L2HGDH: variants seen among roughly 807,000 people sequenced by gnomAD.
L2HGDH encodes the protein L-2-hydroxyglutarate dehydrogenase, mitochondrial.
A neutral mutation model predicts 51.5 loss-of-function variants in L2HGDH; 34 were observed. That is an observed-to-expected ratio of 0.66 (90% CI 0.50 to 0.88). L2HGDH has a LOEUF of 0.88. L2HGDH is among the 40% of genes least tolerant of loss of function. L2HGDH has a pLI of 0.00. For missense variants in L2HGDH, 558 were observed against 571.9 expected, an observed-to-expected ratio of 0.98 and a Z score of 0.25; for synonymous variants, 198 against 197.9, an observed-to-expected ratio of 1.00 and a Z score of -0.01.
intron 9 of L2HGDH, among the ~76,000 whole-genome samples, chr14:50,247,539 T>C (rs1888077759): frequency 6.6e-6 from 1 of 152,172 alleles, no homozygotes; most frequent in Non-Finnish European, 1.5e-5. Flanking sequence ...TTTCCAAAGG[T>C]AGTAGGTAAA....
chr14:50,267,294 T>C (rs1311248609), intron 8 of L2HGDH, among the ~76,000 whole-genome samples: 1 of 152,024 alleles, frequency 6.6e-6, no homozygotes, highest in African/African-American at 2.4e-5. Flanking sequence ...GCCATTCTCC[T>C]GCCTCAGCCT....
chr14:50,302,774 G>A (rs1302557491), intron 2 of L2HGDH, 128 bp downstream of exon 2: 2 of 745,794 alleles, frequency 2.7e-6, no homozygotes, highest in Admixed American at 3.8e-5. Context: ...CCATGTCCTT[G>A]TCCCACACTC....
chr14:50,274,482 A>G (rs1277493558), intron 6 of L2HGDH, among the ~76,000 whole-genome samples: 1 of 152,202 alleles, frequency 6.6e-6, no homozygotes, highest in Non-Finnish European at 1.5e-5. Flanking sequence ...ATTGGTGAGG[A>G]TGTAGAATGC....
intron 6 of L2HGDH, among the ~76,000 whole-genome samples, chr14:50,270,234 A>T (rs1337667814): frequency 1.3e-5 from 2 of 152,164 alleles, no homozygotes; most frequent in Admixed American, 6.5e-5. Flanking sequence ...GATTTCCTAT[A>T]AATTTTATTT....
intron 5 of L2HGDH, among the ~76,000 whole-genome samples, chr14:50,283,542 G>C (rs1316528167): frequency 6.6e-6 from 1 of 151,968 alleles, no homozygotes; most frequent in African/African-American, 2.4e-5. Flanking sequence ...AGTATCCAAG[G>C]AGGATTGGTT....
At chr14:50,287,300 C>T in intron 4 of L2HGDH, 1 of 984,740 alleles carries the variant, frequency 1.0e-6, no homozygotes, top group Non-Finnish European at 1.2e-6. Flanking sequence ...TCATGGGTTC[C>T]TGTTCCGATT....
intron 4 of L2HGDH, among the ~76,000 whole-genome samples, chr14:50,291,842 A>T (rs1890901279): frequency 6.6e-6 from 1 of 152,228 alleles, no homozygotes; most frequent in African/African-American, 2.4e-5. Context: ...TGGATCAACC[A>T]AGTATATGAA....
chr14:50,267,699 C>A, intron 8 of L2HGDH, 54 bp downstream of exon 8: 5 of 1,388,784 alleles, frequency 3.6e-6, no homozygotes, highest in Non-Finnish European at 5.1e-6. Context: ...GACAAAACTT[C>A]CCACATTGAA....
chr14:50,256,459 C>G (rs965958493), intron 9 of L2HGDH, among the ~76,000 whole-genome samples: 7 of 150,394 alleles, frequency 4.7e-5, no homozygotes, highest in African/African-American at 1.7e-4. Flanking sequence ...CTGCAGTGAG[C>G]TATGATCACA....
chr14:50,285,315 G>GTTT (rs1890508930), intron 4 of L2HGDH, among the ~76,000 whole-genome samples: 2 of 152,182 alleles, frequency 1.3e-5, no homozygotes, highest in African/African-American at 2.4e-5. Context: ...CACACTGAGG[G>GTTT]TAAAGACTCC....
At position 50,269,053 on chromosome 14, in the gene L2HGDH, C is replaced by T. The variant is rs575665529; in HGVS notation, c.906+110G>A. The stretch of plus-strand genomic sequence containing the variant: ...GAAACCGATGAAATGCTTACAAAAA[C>T]GGTCCTTCAAAATTTCTCTTATTTC... On this transcript the variant is annotated intron_variant, in intron 7 of 9. Coordinates refer to ENST00000267436, the MANE Select transcript of L2HGDH (RefSeq NM_024884.3). The T allele has an allele frequency of 7.8e-5, 61 of 785,996 alleles. 1 individual carries two copies. The highest frequency in any genetic ancestry group is 2.9e-4 in the East Asian group (10 of 34,140). 48.7% of individuals were successfully genotyped at this position (785,996 alleles called of 1,614,324 possible).
At chr14:50,249,545 C>A (rs888505313) in intron 9 of L2HGDH, among the ~76,000 whole-genome samples, 8 of 152,048 alleles carry the variant, frequency 5.3e-5, no homozygotes, top group South Asian at 4.1e-4. Flanking sequence ...TCTAGACCCA[C>A]CCCGGGCCAA....
intron 4 of L2HGDH, among the ~76,000 whole-genome samples, chr14:50,291,411 T>C (rs1321775304): frequency 1.3e-5 from 2 of 152,048 alleles, no homozygotes. Context: ...ACTAATTCAC[T>C]ATCTCAGAGA....
rs1250742199 is a variant in L2HGDH, at chr14:50,252,779, G to C, written c.1197-5526C>G. On this transcript the variant is annotated intron_variant, in intron 9 of 9. Coordinates refer to ENST00000267436, the MANE Select transcript of L2HGDH (RefSeq NM_024884.3). ...TATGCACCCAACACTGGAGTACCCAGCTATACAAAGCAAATATTATTAGAG... is the reference window on the plus strand; with the variant it reads ...TATGCACCCAACACTGGAGTACCCACCTATACAAAGCAAATATTATTAGAG... Among the ~76,000 whole-genome samples the C allele has an allele frequency of 9.2e-5, 14 of 152,064 alleles. 2 individuals carry two copies. The highest frequency in any genetic ancestry group is 9.2e-4 in the Admixed American group (14 of 15,238).
chr14:50,295,940 T>C (rs1193839100), intron 3 of L2HGDH, among the ~76,000 whole-genome samples: 5 of 150,834 alleles, frequency 3.3e-5, no homozygotes, highest in East Asian at 2.0e-4. Context: ...GGTTTCACCA[T>C]GTTGGACAGG....
intron 6 of L2HGDH, among the ~76,000 whole-genome samples, chr14:50,271,313 G>T (rs925768988): frequency 7.9e-5 from 12 of 152,172 alleles, no homozygotes; most frequent in African/African-American, 2.7e-4. Flanking sequence ...TAAGTCCTAT[G>T]ATAGATGTAA....
intron 3 of L2HGDH, among the ~76,000 whole-genome samples, chr14:50,297,452 A>C (rs2030127027): frequency 6.6e-6 from 1 of 152,190 alleles, no homozygotes; most frequent in Non-Finnish European, 1.5e-5. Flanking sequence ...CAACATACAG[A>C]AATCAATCAT....
chr14:50,288,358 C>A (rs1890681167), intron 4 of L2HGDH, among the ~76,000 whole-genome samples: 1 of 152,190 alleles, frequency 6.6e-6, no homozygotes, highest in Non-Finnish European at 1.5e-5. Flanking sequence ...ATCCTCCTCA[C>A]CAGATGGAAA....
At chr14:50,294,817 T>C (rs1169903475) in intron 3 of L2HGDH, among the ~76,000 whole-genome samples, 2 of 152,314 alleles carry the variant, frequency 1.3e-5, no homozygotes, top group East Asian at 3.9e-4. Context: ...TTTCTATTTA[T>C]TTATGGGAAA....
Sources: allele counts gnomAD v4.1 joint callset (sites outside exome capture counted in the v4.1 genomes callset), GRCh38; gene constraint gnomAD v4.1.1; transcripts MANE v1.5; gene names NCBI Gene and HGNC (gene_info 2026-07-23, HGNC 2026-07-21).